The following AKAP19 variants were observed in gnomAD, a reference collection of about 807,000 sequenced individuals.
AKAP19 encodes the protein A-kinase anchoring protein 19.
chr2:189,989,389 G>T, the AKAP19 span, among the ~76,000 whole-genome samples: 2 of 151,200 alleles, frequency 1.3e-5, no homozygotes, highest in Non-Finnish European at 2.9e-5. Flanking sequence ...TAAATGTAAT[G>T]AACTAAATTC....
chr2:190,083,389 T>C, the AKAP19 span, among the ~76,000 whole-genome samples: 125,557 of 151,480 alleles, frequency 0.83, 52,769 homozygotes, highest in South Asian at 0.94. Flanking sequence ...TTTAAAAATC[T>C]ACTCTCTTGT....
At chr2:189,940,840 G>A in the AKAP19 span, among the ~76,000 whole-genome samples, 17 of 152,020 alleles carry the variant, frequency 1.1e-4, no homozygotes, top group African/African-American at 1.9e-4. Context: ...GCAGTGAGCC[G>A]AGATCGTGCC....
At chr2:190,195,788 C>G in the AKAP19 span, among the ~76,000 whole-genome samples, 1 of 152,302 alleles carries the variant, frequency 6.6e-6, no homozygotes. Context: ...TTCTTTAACA[C>G]ATCATGCCTT....
At chr2:189,935,298 G>T in the AKAP19 span, among the ~76,000 whole-genome samples, 7 of 144,658 alleles carry the variant, frequency 4.8e-5, no homozygotes, top group Non-Finnish European at 1.1e-4. Context: ...GAACTAGCAC[G>T]TGTGCAAAAA....
the AKAP19 span, among the ~76,000 whole-genome samples, chr2:189,934,015 G>T: frequency 2.0e-5 from 3 of 152,148 alleles, no homozygotes; most frequent in East Asian, 1.9e-4. Flanking sequence ...ATTTATCAGA[G>T]AAATTTAATG....
At chr2:190,202,577 T>G in the AKAP19 span, 3 of 167,022 alleles carry the variant, frequency 1.8e-5, no homozygotes, top group African/African-American at 4.8e-5. Flanking sequence ...ATCTTTATAT[T>G]GAAATATGGG....
At chr2:190,200,180 G>A in the AKAP19 span, 1 of 1,581,176 alleles carries the variant, frequency 6.3e-7, no homozygotes. Context: ...TGACTGTGGA[G>A]GTGCTAGTTT....
At chr2:190,175,935 T>C in the AKAP19 span, among the ~76,000 whole-genome samples, 7 of 152,178 alleles carry the variant, frequency 4.6e-5, no homozygotes, top group Non-Finnish European at 1.0e-4. Context: ...AAAACCCCTT[T>C]AAACGAGGCT....
the AKAP19 span, chr2:190,091,084 C>T: frequency 6.6e-6 from 1 of 152,288 alleles, no homozygotes; most frequent in East Asian, 1.9e-4. Flanking sequence ...AATAGAAGAA[C>T]CATCCACACA....
the AKAP19 span, among the ~76,000 whole-genome samples, chr2:190,110,417 T>C: frequency 1.3e-5 from 2 of 152,236 alleles, no homozygotes; most frequent in African/African-American, 4.8e-5. Context: ...CAGTGGTCTT[T>C]GCATTCTATT....
chr2:190,184,315 A>G, the AKAP19 span, among the ~76,000 whole-genome samples: 1 of 152,202 alleles, frequency 6.6e-6, no homozygotes, highest in African/African-American at 2.4e-5. Flanking sequence ...TTGGCCCAAC[A>G]AAACACTGGC....
the AKAP19 span, among the ~76,000 whole-genome samples, chr2:190,141,859 A>C: frequency 6.6e-6 from 1 of 152,252 alleles, no homozygotes; most frequent in Non-Finnish European, 1.5e-5. Flanking sequence ...ACACAAGTCA[A>C]GCTGAAATCT....
At chr2:190,150,961 G>T in the AKAP19 span, among the ~76,000 whole-genome samples, 1 of 151,766 alleles carries the variant, frequency 6.6e-6, no homozygotes, top group Non-Finnish European at 1.5e-5. Flanking sequence ...TTTTTTAGTG[G>T]ATATTTGTAT....
the AKAP19 span, among the ~76,000 whole-genome samples, chr2:189,959,613 CT>C: frequency 4.2e-4 from 64 of 152,248 alleles, no homozygotes; most frequent in African/African-American, 1.3e-3. Flanking sequence ...GAGTAAAGCT[CT>C]TTCTACACAC....
chr2:190,037,909 A>G, the AKAP19 span, among the ~76,000 whole-genome samples: 2 of 152,338 alleles, frequency 1.3e-5, no homozygotes, highest in African/African-American at 4.8e-5. Context: ...TGAAAAATTT[A>G]GGGTTTTTTT....
chr2:190,197,106 C>CT, the AKAP19 span, among the ~76,000 whole-genome samples: 1 of 152,138 alleles, frequency 6.6e-6, no homozygotes, highest in Admixed American at 6.5e-5. The surrounding 1 kb of genome is among the most constrained non-coding windows in gnomAD (Gnocchi z 4.0). Flanking sequence ...CACTAAAACT[C>CT]TAATATCATC....
the AKAP19 span, among the ~76,000 whole-genome samples, chr2:189,984,597 A>G: frequency 6.6e-6 from 1 of 152,242 alleles, no homozygotes; most frequent in Non-Finnish European, 1.5e-5. Flanking sequence ...CTCGGCTGAC[A>G]GGATTAAGAG....
At chr2:190,111,108 C>A in the AKAP19 span, among the ~76,000 whole-genome samples, 2 of 152,114 alleles carry the variant, frequency 1.3e-5, no homozygotes, top group African/African-American at 4.8e-5. Context: ...CACAGAGCCC[C>A]CCCAGAGCAC....
the AKAP19 span, chr2:190,057,171 G>T: frequency 2.1e-6 from 3 of 1,443,740 alleles, no homozygotes; most frequent in Non-Finnish European, 2.9e-6. Flanking sequence ...TAGGCCTATA[G>T]CCTGTGGTAC....
Sources: allele counts gnomAD v4.1 joint callset (sites outside exome capture counted in the v4.1 genomes callset), GRCh38; gene constraint gnomAD v4.1.1; non-coding constraint Gnocchi (gnomAD v3.1); transcripts MANE v1.5; gene names NCBI Gene and HGNC (gene_info 2026-07-23, HGNC 2026-07-21).